RBBP8: variants seen among roughly 807,000 people sequenced by gnomAD.
RBBP8 encodes the protein RB binding protein 8, endonuclease.
Under a neutral mutation model 108.3 loss-of-function variants are expected in RBBP8, and 88 were observed. The ratio of observed to expected loss-of-function variants is 0.81; its 90% confidence interval spans 0.68 to 0.97. The LOEUF is 0.97. Among genes scored for constraint, RBBP8 ranks in the 50% least tolerant of loss-of-function variants. RBBP8 has a pLI of 0.00. For missense variants in RBBP8, 1,023 were observed against 1,049.0 expected, an observed-to-expected ratio of 0.98 and a Z score of 0.34; for synonymous variants, 332 against 348.2, an observed-to-expected ratio of 0.95 and a Z score of 0.52.
intron 10 of RBBP8, among the ~76,000 whole-genome samples, chr18:22,991,665 A>G (rs966548609): frequency 6.6e-6 from 1 of 152,226 alleles, no homozygotes; most frequent in African/African-American, 2.4e-5. Flanking sequence ...CAAAGATTCA[A>G]CATAGTACTT....
intron 2 of RBBP8, among the ~76,000 whole-genome samples, chr18:22,941,868 C>T (rs1911110583): frequency 1.3e-5 from 2 of 152,160 alleles, no homozygotes; most frequent in Admixed American, 1.3e-4. Flanking sequence ...TTATATTGAT[C>T]ATGCCACTTT....
At chr18:22,985,166 AT>A (rs1265565597) in intron 8 of RBBP8, 176 bp downstream of exon 8, 1 of 362,416 alleles carries the variant, frequency 2.8e-6, no homozygotes, top group Non-Finnish European at 3.8e-6. Context: ...ATTCATATAA[AT>A]ATCCCTAATC....
At chr18:22,943,884 G>A (rs1911311194) in intron 2 of RBBP8, among the ~76,000 whole-genome samples, 1 of 152,120 alleles carries the variant, frequency 6.6e-6, no homozygotes, top group South Asian at 2.1e-4. Context: ...AATTTGCTTT[G>A]TGTATTACAA....
At chr18:23,001,525 G>C (rs747344915) in intron 14 of RBBP8, 61 bp from the exon 15 acceptor site, 1 of 1,586,534 alleles carries the variant, frequency 6.3e-7, no homozygotes, top group South Asian at 1.1e-5. Flanking sequence ...ACAGTTTCAT[G>C]ATGGTCTACA....
intron 4 of RBBP8, among the ~76,000 whole-genome samples, chr18:22,957,240 CTG>C (rs918659232): frequency 7.1e-5 from 10 of 141,394 alleles, no homozygotes; most frequent in African/African-American, 2.4e-4. Flanking sequence ...TCATAGTACT[CTG>C]TATTTCTGCT....
At chr18:23,005,070 A>G (rs899214037) in intron 15 of RBBP8, among the ~76,000 whole-genome samples, 4 of 152,066 alleles carry the variant, frequency 2.6e-5, no homozygotes, top group African/African-American at 9.7e-5. Flanking sequence ...GGCTGAGGCA[A>G]GAGAATCTCT....
chr18:22,973,303 T>G (rs1199245852), intron 5 of RBBP8, among the ~76,000 whole-genome samples: 3 of 152,246 alleles, frequency 2.0e-5, no homozygotes. Flanking sequence ...GATCTGTTAG[T>G]GACACCCTTT....
chr18:22,986,347 GC>G (rs1468358281), intron 8 of RBBP8, among the ~76,000 whole-genome samples: 1 of 152,204 alleles, frequency 6.6e-6, no homozygotes, highest in Non-Finnish European at 1.5e-5. Flanking sequence ...AGATTTGGTT[GC>G]ATGTAGATCA....
At chr18:23,016,130 G>A (rs566228662) in intron 16 of RBBP8, among the ~76,000 whole-genome samples, 3 of 152,204 alleles carry the variant, frequency 2.0e-5, no homozygotes, top group Admixed American at 2.0e-4. Context: ...GGCTGGTCTC[G>A]AACTCCTGAC....
chr18:23,022,097 T>C (rs2144847009), intron 17 of RBBP8, 32 bp from the exon 18 acceptor site: 9 of 1,507,726 alleles, frequency 6.0e-6, no homozygotes. Flanking sequence ...TATTATTCTT[T>C]AGTGAAAAAA....
rs1344851835 is a variant in RBBP8 at position 22,914,732 on chromosome 18, T to C, written c.-306+426T>C. ...TGCCCTTTTAAGGCCAAAAAAAGCA[T>C]TGGCCGGCTGGTGATCCTAAGTACA... On this transcript the variant is annotated intron_variant, in intron 1 of 4. Coordinates refer to the RBBP8 transcript ENST00000577588. Among the ~76,000 whole-genome samples, 7 of 152,284 alleles carry C rather than the reference T, an allele frequency of 4.6e-5. No individual in the cohort carries two copies. The East Asian group carries it at 9.6e-4, about 21-fold the overall frequency.
Sources: allele counts gnomAD v4.1 joint callset (sites outside exome capture counted in the v4.1 genomes callset), GRCh38; gene constraint gnomAD v4.1.1; transcripts MANE v1.5; gene names NCBI Gene and HGNC (gene_info 2026-07-23, HGNC 2026-07-21).